FAM168A: variants seen among roughly 807,000 people sequenced by gnomAD.
FAM168A encodes family with sequence similarity 168 member A.
A neutral mutation model predicts 28.5 loss-of-function variants in FAM168A; 3 were observed. The observed-to-expected ratio is 0.11, with a 90% CI of 0.05 to 0.27. The LOEUF (loss-of-function observed/expected upper bound fraction) is 0.27. Ranked by LOEUF, FAM168A falls within the 10% of genes least tolerant of loss-of-function variation. The pLI, the probability that FAM168A is intolerant of heterozygous loss-of-function variation, is 1.00. For missense variants in FAM168A, 222 were observed against 311.5 expected (o/e 0.71, Z 2.16); for synonymous variants, 122 against 124.2 (o/e 0.98, Z 0.12).
intron 5 of FAM168A, among the ~76,000 whole-genome samples, chr11:73,411,169 GCT>G (rs1370704614): frequency 6.6e-6 from 1 of 152,210 alleles, no homozygotes; most frequent in Non-Finnish European, 1.5e-5. Flanking sequence ...GACATTCTGG[GCT>G]CTGTTAATCT....
At chr11:73,503,973 C>T (rs756148436) in intron 1 of FAM168A, among the ~76,000 whole-genome samples, 1 of 152,188 alleles carries the variant, frequency 6.6e-6, no homozygotes, top group Admixed American at 6.5e-5. Flanking sequence ...GAAACTGGAC[C>T]TCTTCCTTAC....
chr11:73,584,496 C>T (rs183214027), intron 1 of FAM168A, among the ~76,000 whole-genome samples: 223 of 124,900 alleles, frequency 1.8e-3, no homozygotes, highest in African/African-American at 6.8e-3. Flanking sequence ...TTTTTTGAGA[C>T]GGAGTCTTGC....
chr11:73,439,277 G>A (rs187671306), intron 2 of FAM168A, among the ~76,000 whole-genome samples: 1 of 152,202 alleles, frequency 6.6e-6, no homozygotes, highest in East Asian at 1.9e-4. Context: ...TCTCATCTAG[G>A]GCAAGGCAGC....
intron 1 of FAM168A, among the ~76,000 whole-genome samples, chr11:73,518,025 C>T (rs557838208): frequency 5.3e-5 from 8 of 152,362 alleles, no homozygotes; most frequent in Admixed American, 1.3e-4. Flanking sequence ...CAGGTCTTGA[C>T]ACATACTAGT....
chr11:73,482,213 G>A (rs569433156), intron 1 of FAM168A, among the ~76,000 whole-genome samples: 4 of 145,592 alleles, frequency 2.7e-5, no homozygotes, highest in African/African-American at 7.7e-5. Context: ...TTTTAAAGGG[G>A]GAGAATACTG....
At chr11:73,430,795 AT>A in intron 2 of FAM168A, 25 bp from the exon 3 acceptor site, 1 of 1,531,804 alleles carries the variant, frequency 6.5e-7, no homozygotes. Flanking sequence ...GAAAAGGCTT[AT>A]TTAGTTAGGC....
At chr11:73,544,683 ATTATATATTT>A (rs1943703133) in intron 1 of FAM168A, among the ~76,000 whole-genome samples, 1 of 126,546 alleles carries the variant, frequency 7.9e-6, no homozygotes, top group Non-Finnish European at 1.6e-5. Flanking sequence ...ATTATATATA[ATTATATATTT>A]TATATGTAAT....
chr11:73,516,305 G>C (rs192984178), intron 1 of FAM168A, among the ~76,000 whole-genome samples: 190 of 152,064 alleles, frequency 1.2e-3, no homozygotes, highest in Middle Eastern at 3.4e-3. Context: ...TAACCTCTCT[G>C]GTTTCAATTT....
intron 1 of FAM168A, among the ~76,000 whole-genome samples, chr11:73,589,896 C>T (rs57271728): frequency 6.8e-4 from 104 of 152,094 alleles, no homozygotes; most frequent in African/African-American, 2.5e-3. Context: ...CATTGCACTC[C>T]AGCCTGGGCG....
intron 3 of FAM168A, 107 bp downstream of exon 3, chr11:73,430,583 G>T: frequency 1.9e-6 from 2 of 1,028,628 alleles, no homozygotes; most frequent in South Asian, 1.3e-5. Flanking sequence ...GAGAGGCTGC[G>T]CCCGGAGCAA....
At position 73,403,997 on chromosome 11, in the gene FAM168A, G is replaced by A. The variant is rs965935198; in HGVS notation, c.*2766C>T. 1.3e-5 allele frequency: 2 copies of A among 152,226 alleles called. No homozygotes were observed. Among genetic ancestry groups the A allele is most frequent in the African/African-American group, 2.4e-5 (1 of 41,450 alleles). 9.4% of individuals were successfully genotyped at this position (152,226 alleles called of 1,614,324 possible). On this transcript the variant is annotated 3_prime_UTR_variant, in exon 8 of 8. Coordinates refer to ENST00000356467, the MANE Select transcript of FAM168A (RefSeq NM_015159.3). ...AGACAGCAGACAGCCTGGGATTCGA[G>A]TGGCTCTGTCACTTATTAGCAAGTC...
At chr11:73,500,919 T>C (rs888989915) in intron 1 of FAM168A, among the ~76,000 whole-genome samples, 4 of 151,970 alleles carry the variant, frequency 2.6e-5, no homozygotes, top group African/African-American at 7.3e-5. Context: ...TCAAGACCCA[T>C]TGGTGTGCTG....
intron 1 of FAM168A, among the ~76,000 whole-genome samples, chr11:73,548,327 C>A (rs923076590): frequency 9.9e-5 from 13 of 131,534 alleles, no homozygotes; most frequent in African/African-American, 4.5e-4. Context: ...ATAATAATAG[C>A]TAACATTTTA....
chr11:73,501,356 T>C (rs1223737498), intron 1 of FAM168A, among the ~76,000 whole-genome samples: 1 of 152,220 alleles, frequency 6.6e-6, no homozygotes, highest in African/African-American at 2.4e-5. Context: ...GGTAGACGTC[T>C]ACAGAACTCT....
intron 1 of FAM168A, among the ~76,000 whole-genome samples, chr11:73,561,944 TTC>T (rs1462150102): frequency 2.4e-4 from 37 of 152,222 alleles, no homozygotes; most frequent in African/African-American, 8.7e-4. Context: ...CAGGAGGATT[TTC>T]TTTTTTTTTT....
intron 1 of FAM168A, among the ~76,000 whole-genome samples, chr11:73,572,689 A>G (rs1944118093): frequency 6.7e-6 from 1 of 149,760 alleles, no homozygotes; most frequent in Non-Finnish European, 1.5e-5. Context: ...ATGCTCGTTA[A>G]GAGTCATCAC....
At position 73,546,037 on chromosome 11, in the gene FAM168A, G is replaced by A. The variant is rs77838705; in HGVS notation, c.-19+51886C>T. On this transcript the variant is annotated intron_variant, in intron 1 of 7. Transcript: ENST00000356467. Reference sequence around the variant, plus strand: ...TACCTCAATCTAGGGCTCTTTCTTAGCTCTTCCCACTTCTTACTACTGAGC... The same window carrying A: ...TACCTCAATCTAGGGCTCTTTCTTAACTCTTCCCACTTCTTACTACTGAGC... Among the ~76,000 whole-genome samples the A allele has an allele frequency of 4.0e-4, 61 of 152,222 alleles. 1 individual carries two copies. Among genetic ancestry groups the A allele is most frequent in the African/African-American group, 1.4e-3 (60 of 41,534 alleles).
At chr11:73,433,886 G>A (rs921871720) in intron 2 of FAM168A, among the ~76,000 whole-genome samples, 13 of 119,368 alleles carry the variant, frequency 1.1e-4, no homozygotes, top group East Asian at 2.4e-4. Context: ...TCACTCTGTC[G>A]CCAGGCTGGA....
At chr11:73,515,612 A>T (rs957658689) in intron 1 of FAM168A, among the ~76,000 whole-genome samples, 11 of 151,994 alleles carry the variant, frequency 7.2e-5, no homozygotes, top group African/African-American at 2.7e-4. Context: ...CAACAAAAAA[A>T]TTTCTAGGGG....
Sources: allele counts gnomAD v4.1 joint callset (sites outside exome capture counted in the v4.1 genomes callset), GRCh38; gene constraint gnomAD v4.1.1; transcripts MANE v1.5; gene names NCBI Gene and HGNC (gene_info 2026-07-23, HGNC 2026-07-21).